PIGN: variants seen among roughly 807,000 people sequenced by gnomAD.
The protein encoded by PIGN is phosphatidylinositol glycan anchor biosynthesis class N.
PIGN carries 117 observed loss-of-function variants against 125.4 expected under a neutral mutation model. The observed-to-expected ratio is 0.93, with a 90% confidence interval of 0.80 to 1.09. The LOEUF (loss-of-function observed/expected upper bound fraction) is 1.09. Among genes scored for constraint, PIGN ranks in the 50% least tolerant of loss-of-function variants. The pLI is 0.00. For missense variants in PIGN, 1,075 were observed against 1,094.9 expected (o/e 0.98, Z 0.26); for synonymous variants, 392 against 377.8 (o/e 1.04, Z -0.44).
At position 62,148,226 on chromosome 18, in the gene PIGN, C is replaced by A. The variant is rs375338906; in HGVS notation, c.662G>T (p.Arg221Leu). ...LGIDTNGHAH[R>L]PSSRDYKHNI... The stretch of plus-strand genomic sequence containing the variant: ...AATATTAAATTACCTCGAGGATGGT[C>A]GATGAGCATGTCCGTTTGTATCTAT... Residue 221 changes from arginine (R) to leucine (L), a missense_variant, in exon 8 of 31, where the codon CGA becomes CTA. Physicochemically the swap from Arg to Leu is moderately radical, Grantham distance 102 (BLOSUM62 -2). Coordinates refer to ENST00000640252, the MANE Select transcript of PIGN (RefSeq NM_176787.5). The A allele has an allele frequency of 2.2e-5, 34 of 1,542,638 alleles. No individual in the cohort carries two copies. Among genetic ancestry groups the A allele is most frequent in the Non-Finnish European group, 2.6e-5 (30 of 1,142,962 alleles).
intron 30 of PIGN, 81 bp downstream of exon 30, chr18:62,072,592 C>A: frequency 9.3e-7 from 1 of 1,074,394 alleles, no homozygotes; most frequent in South Asian, 1.4e-5. Context: ...GTGATGTTTG[C>A]ACAGTGAAGA....
At chr18:62,096,589 G>T (rs1464113976) in intron 22 of PIGN, among the ~76,000 whole-genome samples, 3 of 96,266 alleles carry the variant, frequency 3.1e-5, no homozygotes, top group Admixed American at 3.0e-4. Flanking sequence ...GTGCAGGTTA[G>T]TTACATATGT....
At chr18:62,170,555 C>T (rs1002873156) in intron 1 of PIGN, among the ~76,000 whole-genome samples, 2 of 152,152 alleles carry the variant, frequency 1.3e-5, no homozygotes, top group Admixed American at 6.6e-5. Flanking sequence ...AACTGGCCAT[C>T]CCCCATCTCT....
intron 14 of PIGN, among the ~76,000 whole-genome samples, chr18:62,120,148 T>C (rs757426517): frequency 6.6e-6 from 1 of 152,016 alleles, no homozygotes; most frequent in Admixed American, 6.6e-5. Context: ...ACCATGTATA[T>C]GGACAGGCAG....
chr18:62,113,197 A>G lies in PIGN; in HGVS notation c.1371T>C (p.Tyr457=), dbSNP rs761856805. The change falls in exon 16 of 31, where the codon TAT becomes TAC. Residue 457 remains tyrosine (Y), a synonymous_variant. Transcript: ENST00000640252. The part of the protein sequence containing the change: ...VVIGFVGWIS[Y]ASLLIIKSHS... ...GAGACTTGATGATCAACAAAGAGGC[A>G]TAAGATATCCATCCCACAAAACCAA... The G allele has an allele frequency of 5.1e-5, 83 of 1,612,828 alleles. No individual in the cohort carries two copies. In the Middle Eastern group the frequency reaches 1.2e-3, roughly 22 times the overall value.
intron 23 of PIGN, among the ~76,000 whole-genome samples, chr18:62,091,531 C>A (rs909681894): frequency 2.0e-5 from 3 of 152,174 alleles, no homozygotes; most frequent in Non-Finnish European, 2.9e-5. Context: ...ACATGTGCTA[C>A]AATTTCCATT....
In PIGN at chr18:62,140,434, GA is replaced by G; in HGVS notation, c.1008del (p.Pro337LeufsTer37). On this transcript the variant is annotated frameshift_variant, in exon 12 of 31. Transcript: ENST00000640252. LOFTEE classifies it high-confidence loss of function. ...TTATTCCTTACCACTGAGTTAAGAG[GA>G]AAGGGAACTCCAATAAGGGAAGTCA... ...PLMTSLIGVP[F>X]PLNSVGILPV... 2.0e-6 allele frequency: 3 copies of G among 1,528,110 alleles called. No individual in the cohort carries two copies. The highest frequency in any genetic ancestry group is 1.2e-5 in the South Asian group (1 of 83,462). 94.7% of individuals were successfully genotyped at this position (1,528,110 alleles called of 1,614,324 possible).
At chr18:62,096,534 TTTTTTTTTTA>T in intron 22 of PIGN, among the ~76,000 whole-genome samples, 1 of 140,474 alleles carries the variant, frequency 7.1e-6, no homozygotes, top group African/African-American at 2.7e-5. Context: ...TTTTTTTTTT[TTTTTTTTTTA>T]TTATACTCTA....
chr18:62,114,463 A>G, intron 15 of PIGN, 98 bp downstream of exon 15: 1 of 733,298 alleles, frequency 1.4e-6, no homozygotes, highest in Non-Finnish European at 2.4e-6. Context: ...TTGAGGGCTC[A>G]AGAAAGCTCC....
chr18:62,095,842 T>G lies in PIGN; in HGVS notation c.2180+6A>C, dbSNP rs2034157366. 3 of 1,540,010 alleles carry G rather than the reference T, an allele frequency of 1.9e-6. No homozygotes were observed. The African/African-American group carries it at 4.1e-5, about 21-fold the overall frequency. On this transcript the variant is annotated splice_donor_region_variant and intron_variant, in intron 23 of 30. Coordinates refer to ENST00000640252, the MANE Select transcript of PIGN (RefSeq NM_176787.5). The stretch of plus-strand genomic sequence containing the variant: ...CTATAAAATTAAATTGTTAAAAAGT[T>G]TATACCCTGTGCTTAGAAGTAGGTA...
At chr18:62,072,416 A>T in intron 30 of PIGN, 1 of 293,608 alleles carries the variant, frequency 3.4e-6, no homozygotes, top group East Asian at 5.6e-5. Flanking sequence ...TTTTTACTAT[A>T]CCTTTTCTAT....
chr18:62,054,548 G>A (rs1272923835), intron 30 of PIGN, among the ~76,000 whole-genome samples: 1 of 142,376 alleles, frequency 7.0e-6, no homozygotes, highest in Non-Finnish European at 1.5e-5. Context: ...CTGGAGTGCA[G>A]TGGTATGATC....
At chr18:62,110,506 A>C (rs1460547109) in intron 16 of PIGN, among the ~76,000 whole-genome samples, 1 of 152,176 alleles carries the variant, frequency 6.6e-6, no homozygotes, top group African/African-American at 2.4e-5. Context: ...CATCAATCTA[A>C]TTCACTAGTG....
At chr18:62,049,096 C>A (rs1447791967) in intron 30 of PIGN, among the ~76,000 whole-genome samples, 1 of 151,358 alleles carries the variant, frequency 6.6e-6, no homozygotes, top group Non-Finnish European at 1.5e-5. Flanking sequence ...TTAATCCAGT[C>A]TATCATTGTT....
chr18:62,118,148 T>C (rs1470793486), intron 14 of PIGN, among the ~76,000 whole-genome samples: 1 of 152,094 alleles, frequency 6.6e-6, no homozygotes, highest in African/African-American at 2.4e-5. Context: ...TATAGATAGA[T>C]AGATACATAA....
At chr18:62,041,123 T>G (rs2030357537), downstream of PIGN, 1 of 152,218 alleles carries the variant, frequency 6.6e-6, no homozygotes, top group Non-Finnish European at 1.5e-5. Flanking sequence ...AAAATTTAAC[T>G]ACTAATCACT....
intron 14 of PIGN, among the ~76,000 whole-genome samples, chr18:62,128,532 A>T (rs1422759621): frequency 6.6e-6 from 1 of 152,178 alleles, no homozygotes; most frequent in African/African-American, 2.4e-5. Flanking sequence ...CAACTCCAGA[A>T]TCACTGCATA....
chr18:62,174,891 G>A (rs2037467129), intron 1 of PIGN, among the ~76,000 whole-genome samples: 1 of 149,800 alleles, frequency 6.7e-6, no homozygotes, highest in African/African-American at 2.4e-5. Flanking sequence ...AAACTGTCAT[G>A]CAATTCAATC....
chr18:62,090,360 A>C (rs770936570), intron 24 of PIGN, 116 bp downstream of exon 24: 5 of 609,150 alleles, frequency 8.2e-6, no homozygotes, highest in Non-Finnish European at 1.4e-5. Flanking sequence ...CAAACAACTA[A>C]AACTTTTAAC....
Sources: gnomAD v4.1 joint callset for allele counts (sites outside exome capture counted in the v4.1 genomes callset) on GRCh38, gnomAD v4.1.1 for gene constraint, MANE v1.5 for transcripts, NCBI Gene and HGNC (gene_info 2026-07-23, HGNC 2026-07-21) for gene names.